AHCYL2: variants seen among roughly 807,000 people sequenced by gnomAD.
AHCYL2 encodes the protein S-adenosylhomocysteine hydrolase-like protein 2.
AHCYL2 carries 28 observed loss-of-function variants against 81.4 expected under a neutral mutation model. The observed-to-expected ratio is 0.34, with a 90% CI of 0.25 to 0.47. The LOEUF (loss-of-function observed/expected upper bound fraction) is 0.47, where lower values mean the gene tolerates loss of function less well. Ranked by LOEUF, AHCYL2 falls within the 20% of genes least tolerant of loss-of-function variation. AHCYL2 has a pLI of 1.00. For synonymous variants in AHCYL2, 272 were observed against 290.2 expected (o/e 0.94, Z 0.64); for missense variants, 551 against 785.1 (o/e 0.70, Z 3.56).
intron 1 of AHCYL2, among the ~76,000 whole-genome samples, chr7:129,229,509 C>CAA (rs78761421): frequency 0.25 from 38,200 of 152,076 alleles, 4,901 homozygotes; most frequent in East Asian, 0.42. Context: ...TAGAAAGTGT[C>CAA]AGAGGTAGAA....
At chr7:129,254,149 A>C (rs1044051128) in intron 1 of AHCYL2, among the ~76,000 whole-genome samples, 3 of 152,222 alleles carry the variant, frequency 2.0e-5, no homozygotes, top group Non-Finnish European at 4.4e-5. Flanking sequence ...CTGGATTCAT[A>C]GTGGAAGTGG....
At chr7:129,234,653 C>G (rs1008517817) in intron 1 of AHCYL2, among the ~76,000 whole-genome samples, 2 of 151,984 alleles carry the variant, frequency 1.3e-5, no homozygotes, top group African/African-American at 4.8e-5. Flanking sequence ...GCCGCTGCAC[C>G]CAGCCACATT....
Position 129,335,343 on chromosome 7 carries a change from T to C in AHCYL2, c.364-44295T>C, listed in dbSNP as rs191335874. Reference sequence around the variant, plus strand: ...AGCTATATGATCACATACCTGCACTTTGGCCTGGGTAACAGAGTGAGACCC... The same window carrying C: ...AGCTATATGATCACATACCTGCACTCTGGCCTGGGTAACAGAGTGAGACCC... On this transcript the variant is annotated intron_variant, in intron 1 of 16. Transcript: ENST00000325006. Among the ~76,000 whole-genome samples the C allele has an allele frequency of 2.3e-3, 349 of 151,848 alleles. 2 individuals are homozygous for C. The highest frequency in any genetic ancestry group is 0.012 in the South Asian group (58 of 4,788).
At chr7:129,424,847 A>G (rs775775225) in intron 13 of AHCYL2, 27 bp from the exon 14 acceptor site, 2 of 1,611,936 alleles carry the variant, frequency 1.2e-6, no homozygotes, top group African/African-American at 1.3e-5. Flanking sequence ...GTCCTAATCC[A>G]TTTGTGTCTT....
chr7:129,297,868 T>G (rs1191522850), intron 1 of AHCYL2, among the ~76,000 whole-genome samples: 1 of 151,952 alleles, frequency 6.6e-6, no homozygotes, highest in Non-Finnish European at 1.5e-5. Flanking sequence ...TAAAAAAAAT[T>G]AAAAATTAGC....
At position 129,368,596 on chromosome 7, in the gene AHCYL2, T is replaced by A; in HGVS notation, c.364-11042T>A. The stretch of plus-strand genomic sequence containing the variant: ...TGTTTCTCCTTCTGTTTCTTGATAA[T>A]GAGAGGCAACCATTTCTGACGGGTG... On this transcript the variant is annotated intron_variant, in intron 1 of 16. Transcript: ENST00000325006. The surrounding 1 kb of genome is among the most constrained non-coding windows in gnomAD (Gnocchi z 4.4). 15 of 1,606,614 alleles carry A rather than the reference T, an allele frequency of 9.3e-6. No homozygotes were observed. The highest frequency in any genetic ancestry group is 1.3e-5 in the Non-Finnish European group (15 of 1,173,668).
Position 129,414,525 on chromosome 7 carries a change from A to T in AHCYL2, c.1461+837A>T, listed in dbSNP as rs540123041. Reference sequence around the variant, plus strand: ...AACCTCTGCCTCCTGGGTTCAAGCGATTCTCCTTTCTCAGCCTCCAGAGTA... The same window carrying T: ...AACCTCTGCCTCCTGGGTTCAAGCGTTTCTCCTTTCTCAGCCTCCAGAGTA... On this transcript the variant is annotated intron_variant, in intron 12 of 16. Transcript: ENST00000325006. Among the ~76,000 whole-genome samples, 11 of 147,238 alleles carry T rather than the reference A, an allele frequency of 7.5e-5. No individual in the cohort carries two copies. In the East Asian group the frequency reaches 2.3e-3, roughly 30 times the overall value.
intron 1 of AHCYL2, among the ~76,000 whole-genome samples, chr7:129,369,062 T>G (rs1227986454): frequency 6.6e-6 from 1 of 152,192 alleles, no homozygotes; most frequent in Non-Finnish European, 1.5e-5. Flanking sequence ...CCTTTATATA[T>G]ATATTTCTCT....
At chr7:129,405,787 G>A in intron 8 of AHCYL2, 49 bp from the exon 9 acceptor site, 1 of 1,553,124 alleles carries the variant, frequency 6.4e-7, no homozygotes, top group Non-Finnish European at 8.8e-7. Context: ...TAACCTCAAG[G>A]GAGAAACAAG....
chr7:129,410,727 A>T (rs1430960295), intron 11 of AHCYL2, among the ~76,000 whole-genome samples: 1 of 152,262 alleles, frequency 6.6e-6, no homozygotes, highest in Non-Finnish European at 1.5e-5. Flanking sequence ...TTTAAAGAAT[A>T]TGCAGAAATG....
At chr7:129,285,644 T>C in intron 1 of AHCYL2, among the ~76,000 whole-genome samples, 1 of 152,040 alleles carries the variant, frequency 6.6e-6, no homozygotes, top group East Asian at 1.9e-4. Flanking sequence ...AAGTTCTTCA[T>C]GTCCTTTTTA....
chr7:129,357,810 T>A (rs1300687147), intron 1 of AHCYL2, among the ~76,000 whole-genome samples: 2 of 151,516 alleles, frequency 1.3e-5, no homozygotes, highest in African/African-American at 4.9e-5. Context: ...GGCGGGCGCC[T>A]GTAGTCCCAG....
chr7:129,371,937 A>C (rs894824576), intron 1 of AHCYL2, among the ~76,000 whole-genome samples: 4 of 152,228 alleles, frequency 2.6e-5, no homozygotes, highest in African/African-American at 9.6e-5. Flanking sequence ...TTGGAAGTAG[A>C]GACAAAAATC....
intron 1 of AHCYL2, among the ~76,000 whole-genome samples, chr7:129,252,376 T>G (rs1795274233): frequency 6.6e-6 from 1 of 152,238 alleles, no homozygotes. Context: ...CTGGTTTTAT[T>G]TAAGATCATC....
At chr7:129,407,848 T>C (rs1162435645) in intron 10 of AHCYL2, among the ~76,000 whole-genome samples, 3 of 152,208 alleles carry the variant, frequency 2.0e-5, no homozygotes, top group Non-Finnish European at 2.9e-5. Flanking sequence ...GAGAAATTGC[T>C]TACTGAAGAG....
At chr7:129,365,426 A>C (rs777813259) in intron 1 of AHCYL2, among the ~76,000 whole-genome samples, 53 of 152,072 alleles carry the variant, frequency 3.5e-4, no homozygotes, top group Non-Finnish European at 4.3e-4. Flanking sequence ...AAATCCTTGC[A>C]TCAGTCCTGT....
At chr7:129,316,842 A>G (rs1797840687) in intron 1 of AHCYL2, among the ~76,000 whole-genome samples, 1 of 152,220 alleles carries the variant, frequency 6.6e-6, no homozygotes, top group Non-Finnish European at 1.5e-5. Flanking sequence ...CAACAACAAC[A>G]GATGAAATCC....
rs531417041 is a variant in AHCYL2 at position 129,360,791 on chromosome 7, G to T, written c.364-18847G>T. Among the ~76,000 whole-genome samples the T allele has an allele frequency of 2.0e-5, 3 of 152,220 alleles. No individual in the cohort carries two copies. In the East Asian group the frequency reaches 5.8e-4, roughly 29 times the overall value. On this transcript the variant is annotated intron_variant, in intron 1 of 16. Transcript: ENST00000325006. ...AGGTAAGGGAATGTAGAGCACCAAG[G>T]CTCCAGAGATAGGCAGAGACCAAGT...
chr7:129,343,073 T>C (rs148839646), intron 1 of AHCYL2, among the ~76,000 whole-genome samples: 255 of 152,330 alleles, frequency 1.7e-3, no homozygotes, highest in African/African-American at 5.9e-3. Flanking sequence ...AATTTTCTAT[T>C]TCATTGCATT....
Sources: allele counts gnomAD v4.1 joint callset (sites outside exome capture counted in the v4.1 genomes callset), GRCh38; gene constraint gnomAD v4.1.1; non-coding constraint Gnocchi (gnomAD v3.1); transcripts MANE v1.5; gene names NCBI Gene and HGNC (gene_info 2026-07-23, HGNC 2026-07-21).